MTF1: variants seen among roughly 807,000 people sequenced by gnomAD.
The protein encoded by MTF1 is MRE-binding transcription factor.
In MTF1, 22 loss-of-function variants were observed where a neutral mutation model predicts 70.4. The observed-to-expected ratio is 0.31, with a 90% confidence interval of 0.22 to 0.45. The LOEUF (loss-of-function observed/expected upper bound fraction) is 0.45. Among genes scored for constraint, MTF1 ranks in the 20% least tolerant of loss-of-function variants. The pLI is 1.00. For synonymous variants in MTF1, 333 were observed against 352.8 expected, an observed-to-expected ratio of 0.94 and a Z score of 0.63; for missense variants, 649 against 922.0, an observed-to-expected ratio of 0.70 and a Z score of 3.83.
chr1:37,825,364 T>G lies in MTF1; in HGVS notation c.1069-1552A>C, dbSNP rs531892119. 2.6e-5 allele frequency among the ~76,000 whole-genome samples: 4 copies of G among 152,092 alleles called. No homozygotes were observed. The East Asian group carries it at 7.7e-4, about 29-fold the overall frequency. ...TGATCCTCCCACCTCAGCCTCCAAG[T>G]AGCTGGGACCACAGGTATGGGCCAC... On this transcript the variant is annotated intron_variant, in intron 7 of 10. Coordinates refer to ENST00000373036, the MANE Select transcript of MTF1 (RefSeq NM_005955.3).
At chr1:37,857,160 C>G in intron 2 of MTF1, 91 bp downstream of exon 2, 1 of 1,323,080 alleles carries the variant, frequency 7.6e-7, no homozygotes, top group Non-Finnish European at 1.1e-6. Flanking sequence ...ACCCCATGCA[C>G]TCCTTTACTC....
Position 37,835,186 on chromosome 1 carries a change from C to A in MTF1, c.883G>T (p.Gly295Cys). ...TGAGTGCTGAATGTTTTCTCACAGC[C>A]ATTACTGGGGCAGAAGAAGGGTCTT... ...GERPFFCPSN[G>C]CEKTFSTQYS... is the part of the protein sequence containing the mutation. Residue 295 changes from glycine (G) to cysteine (C), a missense_variant, in exon 6 of 11, where the codon GGC becomes TGC. Physicochemically the swap from Gly to Cys is radical, Grantham distance 159. This residue lies in a region of MTF1 where 118 missense variants were observed against 287.2 expected (regional missense o/e 0.41). Transcript: ENST00000373036. 1 of 1,613,684 alleles carries A rather than the reference C, an allele frequency of 6.2e-7. No individual in the cohort carries two copies. Among genetic ancestry groups the A allele is most frequent in the South Asian group, 1.1e-5 (1 of 91,056 alleles).
In MTF1 at chr1:37,810,548, C is replaced by G. The variant is rs995895193; in HGVS notation, c.*4588G>C. 6.6e-6 allele frequency: 1 copy of G among 152,206 alleles called. No individual in the cohort carries two copies. The highest frequency in any genetic ancestry group is 2.4e-5 in the African/African-American group (1 of 41,440). 9.4% of individuals were successfully genotyped at this position (152,206 alleles called of 1,614,324 possible). ...CATCAGAAGAAATACAGGACTGTTT[C>G]CCTCTCTCCCTAAAAAACATGCAAG... On this transcript the variant is annotated 3_prime_UTR_variant, in exon 11 of 11. Transcript: ENST00000373036.
intron 2 of MTF1, among the ~76,000 whole-genome samples, chr1:37,853,368 T>C (rs537498922): frequency 6.6e-6 from 1 of 152,328 alleles, no homozygotes; most frequent in African/African-American, 2.4e-5. Flanking sequence ...GTCAGCACAC[T>C]ACAGCCAGTG....
intron 7 of MTF1, among the ~76,000 whole-genome samples, chr1:37,826,848 G>A (rs1641009716): frequency 2.0e-5 from 3 of 152,076 alleles, no homozygotes; most frequent in Admixed American, 6.6e-5. Context: ...GCATGGTGGT[G>A]CGTGCTTCAA....
Position 37,813,033 on chromosome 1 carries a change from CACT to C in MTF1, c.*2100_*2102del, listed in dbSNP as rs1640760351. 1 of 152,336 alleles carries C rather than the reference CACT, an allele frequency of 6.6e-6. No individual in the cohort carries two copies. Among genetic ancestry groups the C allele is most frequent in the Non-Finnish European group, 1.5e-5 (1 of 68,164 alleles). The allele number at this position is 152,336 out of a possible 1,614,324, so 9.4% of individuals were successfully genotyped here. On this transcript the variant is annotated 3_prime_UTR_variant, in exon 11 of 11. Transcript: ENST00000373036. ...TGGTGGCTCACACCTGTAATCCCAG[CACT>C]TTGGGAGACTGAGGCGGGAGGATCA... is the stretch of plus-strand genomic sequence containing the variant.
At chr1:37,823,371 G>A (rs1569851425) in intron 8 of MTF1, among the ~76,000 whole-genome samples, 1 of 152,018 alleles carries the variant, frequency 6.6e-6, no homozygotes, top group East Asian at 1.9e-4. Context: ...CAAGCCTGGA[G>A]GTGGAGGTTG....
rs1220588021 is a variant in MTF1 at position 37,815,303 on chromosome 1, G to A, written c.2095C>T (p.Arg699Ter). 6 of 1,613,894 alleles carry A rather than the reference G, an allele frequency of 3.7e-6. No homozygotes were observed. Among genetic ancestry groups the A allele is most frequent in the Middle Eastern group, 1.6e-4 (1 of 6,084 alleles). Residue 699 changes from arginine to a stop codon, truncating the protein, a stop_gained, in exon 11 of 11, where the codon CGA becomes TGA. Coordinates refer to ENST00000373036, the MANE Select transcript of MTF1 (RefSeq NM_005955.3). LOFTEE classifies it high-confidence loss of function. This position sits in a 1 kb window ranked among gnomAD's most constrained non-coding sequence, Gnocchi z 4.5. The stretch of plus-strand genomic sequence containing the variant: ...GGGTCTGAAGGAGTCTCTGCTTGTC[G>A]GCTTTGCTCACAGGAGGAGGGCAAG... The part of the protein sequence containing the change: ...STLPSSCEQS[R>*]QAETPSDPQT...
In MTF1 at chr1:37,815,805, A is replaced by G. The variant is rs928885761; in HGVS notation, c.1832-239T>C. Among the ~76,000 whole-genome samples, 1 of 152,200 alleles carries G rather than the reference A, an allele frequency of 6.6e-6. No homozygotes were observed. Among genetic ancestry groups the G allele is most frequent in the East Asian group, 1.9e-4 (1 of 5,160 alleles). ...TTAGAAAGTCACACACACGATCTAG[A>G]TGCACCCTGTATTTCCAGCTTCATT... On this transcript the variant is annotated intron_variant, in intron 10 of 10. Transcript: ENST00000373036. The surrounding 1 kb of genome is among the most constrained non-coding windows in gnomAD (Gnocchi z 4.5).
Position 37,814,891 on chromosome 1 carries a change from G to T in MTF1, c.*245C>A. On this transcript the variant is annotated 3_prime_UTR_variant, in exon 11 of 11. Transcript: ENST00000373036. ...ACAACAAGCAAAAGTGACATACAGT[G>T]CAGCCAAACAGTTCACTTATAACTT... 2.1e-6 allele frequency: 1 copy of T among 477,544 alleles called. No homozygotes were observed. Among genetic ancestry groups the T allele is most frequent in the South Asian group, 2.9e-5 (1 of 34,960 alleles). 29.6% of individuals were successfully genotyped at this position (477,544 alleles called of 1,614,324 possible).
In MTF1 at chr1:37,857,637, T is replaced by C; in HGVS notation, c.22A>G (p.Asn8Asp). The C allele has an allele frequency of 6.2e-7, 1 of 1,613,942 alleles. No individual in the cohort carries two copies. The highest frequency in any genetic ancestry group is 8.5e-7 in the Non-Finnish European group (1 of 1,180,000). The change falls in exon 2 of 11, where the codon AAC (asparagine) becomes GAC (aspartate). Residue 8 changes from asparagine to aspartate, a missense_variant. Asn to Asp is a conservative substitution (Grantham distance 23). Transcript: ENST00000373036. The part of the protein sequence containing the change: MGEHSPD[N>D]NIIYFEAEED... The stretch of plus-strand genomic sequence containing the variant: ...TCTGCCTCAAAGTAGATGATGTTGT[T>C]GTCTGGACTGTGTTCCCCCATGGTT...
chr1:37,835,510 G>A (rs1279544249), intron 5 of MTF1, among the ~76,000 whole-genome samples, 161 bp downstream of exon 5: 1 of 151,976 alleles, frequency 6.6e-6, no homozygotes, highest in Non-Finnish European at 1.5e-5. Context: ...CCTGAGGTCC[G>A]CCTCTGAAAG....
intron 7 of MTF1, chr1:37,828,245 T>G: frequency 2.8e-6 from 1 of 357,318 alleles, no homozygotes; most frequent in Non-Finnish European, 5.5e-6. Flanking sequence ...CAGGGAGAGA[T>G]CATGGCTTTT....
At chr1:37,829,020 T>C (rs1394540048) in intron 7 of MTF1, among the ~76,000 whole-genome samples, 1 of 152,218 alleles carries the variant, frequency 6.6e-6, no homozygotes, top group Non-Finnish European at 1.5e-5. Context: ...CCAAAGTTCA[T>C]TTCTAGGATA....
intron 2 of MTF1, among the ~76,000 whole-genome samples, chr1:37,855,312 C>T (rs1285668387): frequency 6.6e-6 from 1 of 152,106 alleles, no homozygotes; most frequent in Non-Finnish European, 1.5e-5. Flanking sequence ...TGGTTCTATA[C>T]AAGTAAAAGC....
At chr1:37,828,026 G>A (rs1641030441) in intron 7 of MTF1, among the ~76,000 whole-genome samples, 1 of 151,854 alleles carries the variant, frequency 6.6e-6, no homozygotes, top group African/African-American at 2.4e-5. Context: ...AGTGTATTGT[G>A]GTATATTCAC....
chr1:37,828,564 C>CA (rs1231558287), intron 7 of MTF1, among the ~76,000 whole-genome samples: 1 of 152,188 alleles, frequency 6.6e-6, no homozygotes, highest in South Asian at 2.1e-4. Context: ...CTCAGCCTCC[C>CA]AAAGTGTTGG....
intron 1 of MTF1, among the ~76,000 whole-genome samples, chr1:37,858,697 A>G (rs1641540961): frequency 6.6e-6 from 1 of 152,216 alleles, no homozygotes. Context: ...CTATGATAAG[A>G]GTTCAGGAAA....
chr1:37,833,786 G>A (rs545465230), intron 6 of MTF1, among the ~76,000 whole-genome samples: 4 of 152,006 alleles, frequency 2.6e-5, no homozygotes, highest in Non-Finnish European at 5.9e-5. Context: ...TTTGAGTAGA[G>A]AGTGAAGGAA....
Sources: allele counts gnomAD v4.1 joint callset (sites outside exome capture counted in the v4.1 genomes callset), GRCh38; gene constraint gnomAD v4.1.1; regional missense constraint gnomAD v4.1.1; non-coding constraint Gnocchi (gnomAD v3.1); transcripts MANE v1.5; gene names NCBI Gene and HGNC (gene_info 2026-07-23, HGNC 2026-07-21).